The following GSG1L variants were observed in gnomAD, a reference collection of about 807,000 sequenced individuals.
GSG1L encodes germ cell-specific gene 1-like protein.
GSG1L carries 24 observed loss-of-function variants against 42.1 expected under a neutral mutation model. The ratio of observed to expected loss-of-function variants is 0.57; its 90% CI spans 0.41 to 0.80. The LOEUF (loss-of-function observed/expected upper bound fraction) is 0.80. GSG1L is among the 30% of genes least tolerant of loss of function. The pLI, the probability that GSG1L is intolerant of heterozygous loss-of-function variation, is 0.00. For synonymous variants in GSG1L, 215 were observed against 203.5 expected (o/e 1.06, Z -0.48); for missense variants, 445 against 472.2 (o/e 0.94, Z 0.53).
At chr16:27,831,534 A>G (rs1206618032) in intron 4 of GSG1L, among the ~76,000 whole-genome samples, 1 of 152,244 alleles carries the variant, frequency 6.6e-6, no homozygotes, top group Non-Finnish European at 1.5e-5. Flanking sequence ...CAGGGGACAG[A>G]GCAGGGGATT....
At chr16:28,023,134 A>G (rs1206790901) in intron 1 of GSG1L, among the ~76,000 whole-genome samples, 1 of 152,208 alleles carries the variant, frequency 6.6e-6, no homozygotes, top group East Asian at 1.9e-4. Flanking sequence ...TGGCCAGTAT[A>G]CATAATTCAT....
At chr16:27,809,686 C>T (rs1324668428) in intron 5 of GSG1L, among the ~76,000 whole-genome samples, 4 of 152,134 alleles carry the variant, frequency 2.6e-5, no homozygotes, top group Non-Finnish European at 4.4e-5. Context: ...TCTCACTTGT[C>T]TTGCAGCTGT....
intron 3 of GSG1L, among the ~76,000 whole-genome samples, chr16:27,846,721 G>A (rs2083447558): frequency 3.3e-5 from 5 of 152,078 alleles, no homozygotes; most frequent in African/African-American, 7.2e-5. Flanking sequence ...TTGGGAGGCC[G>A]AGGCATGCGG....
At chr16:27,802,404 A>C (rs697504) in intron 6 of GSG1L, among the ~76,000 whole-genome samples, 97,425 of 151,860 alleles carry the variant, frequency 0.64, 31,645 homozygotes, top group Admixed American at 0.71. Flanking sequence ...CTTCCTTATT[A>C]GCTGTTTGAC....
intron 2 of GSG1L, among the ~76,000 whole-genome samples, chr16:27,931,297 A>G (rs916143765): frequency 6.6e-6 from 1 of 152,190 alleles, no homozygotes; most frequent in African/African-American, 2.4e-5. Context: ...TCTCCTGCCC[A>G]TGCCTGTGGA....
chr16:27,889,699 G>A (rs905333660), intron 2 of GSG1L, among the ~76,000 whole-genome samples: 3 of 152,118 alleles, frequency 2.0e-5, no homozygotes, highest in Non-Finnish European at 4.4e-5. Flanking sequence ...AAGCCCCCAT[G>A]GGGTCAGACT....
intron 1 of GSG1L, among the ~76,000 whole-genome samples, chr16:28,052,556 G>A (rs1032424921): frequency 5.9e-5 from 9 of 152,152 alleles, no homozygotes; most frequent in South Asian, 2.1e-4. Context: ...TTCTAGGCAA[G>A]GACTCATACC....
In GSG1L at chr16:28,063,208, C is replaced by T. The variant is rs1471865078; in HGVS notation, c.217G>A (p.Ala73Thr). 6.4e-6 allele frequency: 8 copies of T among 1,258,382 alleles called. No individual in the cohort carries two copies. The South Asian group carries it at 1.1e-4, about 18-fold the overall frequency. 78.0% of individuals were successfully genotyped at this position (1,258,382 alleles called of 1,614,324 possible). A position where few individuals can be genotyped will look rare whatever the true frequency, so the allele number is the denominator to read the frequency against. Residue 73 changes from alanine to threonine, a missense_variant, in exon 1 of 7, where the codon GCC (alanine) becomes ACC (threonine). Physicochemically the swap from Ala to Thr is moderately conservative, Grantham distance 58. Around this residue, in one of 3 missense-constraint regions of GSG1L, gnomAD observed 156 missense variants for 128.3 expected, o/e 1.22. Transcript: ENST00000447459. This position sits in a 1 kb window ranked among gnomAD's most constrained non-coding sequence, Gnocchi z 5.8. ...GGGCCGTTCCCCGAGGCGGTGGCGG[C>T]GGCGGCGGCGGCGGCGGGGGCGGCG... Reference protein sequence around the residue: ...GTAAPAAAAAAATASGNGPPG... With the variant: ...GTAAPAAAAATATASGNGPPG...
rs150338069 is a variant in GSG1L at position 27,838,530 on chromosome 16, G to A, written c.662+6420C>T. ...CATAGGGAGAAAAGGGGAGGGTGGT[G>A]ACAGGGGTTGTCAATTCTTCATCCC... On this transcript the variant is annotated intron_variant, in intron 4 of 6. Transcript: ENST00000447459. 2.6e-4 allele frequency among the ~76,000 whole-genome samples: 39 copies of A among 152,314 alleles called. 2 individuals are homozygous for A. The East Asian group carries it at 6.9e-3, about 27-fold the overall frequency.
rs192313978 is a variant in GSG1L at position 27,823,343 on chromosome 16, G to A, written c.830+5446C>T. On this transcript the variant is annotated intron_variant, in intron 5 of 6. Transcript: ENST00000447459. ...TGCATACGCACACGCACACAGACGCGCACACACACACATAATACGCCTTTC... is the reference window on the plus strand; with the variant it reads ...TGCATACGCACACGCACACAGACGCACACACACACACATAATACGCCTTTC... Among the ~76,000 whole-genome samples the A allele has an allele frequency of 1.1e-3, 172 of 152,008 alleles. 1 individual carries two copies. Among genetic ancestry groups the A allele is most frequent in the African/African-American group, 2.8e-3 (117 of 41,444 alleles).
At chr16:27,857,024 T>C (rs1023653614) in intron 3 of GSG1L, among the ~76,000 whole-genome samples, 12 of 152,262 alleles carry the variant, frequency 7.9e-5, no homozygotes, top group South Asian at 4.2e-4. Flanking sequence ...CTCTCTTCGA[T>C]TGGGCACCAG....
intron 2 of GSG1L, 21 bp downstream of exon 2, chr16:27,963,135 C>T: frequency 6.2e-7 from 1 of 1,608,498 alleles, no homozygotes; most frequent in South Asian, 1.1e-5. Context: ...GCTGCCACAG[C>T]TCAGCTGGGG....
intron 6 of GSG1L, among the ~76,000 whole-genome samples, chr16:27,793,195 G>T (rs547000381): frequency 9.2e-5 from 14 of 152,300 alleles, no homozygotes; most frequent in African/African-American, 3.4e-4. Context: ...TCATTATCAG[G>T]AGAGTCTTTC....
chr16:27,881,281 AC>A (rs2083952384), intron 3 of GSG1L, among the ~76,000 whole-genome samples: 1 of 119,006 alleles, frequency 8.4e-6, no homozygotes, highest in African/African-American at 3.2e-5. Flanking sequence ...TTGCTCTGTC[AC>A]CCAAGCTGGA....
intron 6 of GSG1L, among the ~76,000 whole-genome samples, chr16:27,798,115 A>T (rs182162284): frequency 6.6e-6 from 1 of 152,194 alleles, no homozygotes; most frequent in African/African-American, 2.4e-5. Context: ...TCAGAAGCCC[A>T]ACCTGAGCAT....
chr16:27,794,795 G>A (rs957418166), intron 6 of GSG1L, among the ~76,000 whole-genome samples: 14 of 152,126 alleles, frequency 9.2e-5, no homozygotes, highest in East Asian at 3.9e-4. Context: ...CTGTGTCTTC[G>A]TTCCATGATT....
chr16:27,954,362 G>T (rs1192621636), intron 2 of GSG1L, among the ~76,000 whole-genome samples: 5 of 152,178 alleles, frequency 3.3e-5, no homozygotes. Context: ...GATAGGAGAA[G>T]GCTGGAAGTT....
At chr16:27,932,421 G>A (rs1199525971) in intron 2 of GSG1L, among the ~76,000 whole-genome samples, 1 of 152,090 alleles carries the variant, frequency 6.6e-6, no homozygotes, top group African/African-American at 2.4e-5. Context: ...CATCTGCTTG[G>A]CTTCTGGGGA....
intron 5 of GSG1L, among the ~76,000 whole-genome samples, chr16:27,821,486 A>C (rs2083150262): frequency 6.6e-6 from 1 of 152,010 alleles, no homozygotes; most frequent in African/African-American, 2.4e-5. Context: ...CTTTATGTCC[A>C]TGTGTACCCA....
Sources: allele counts gnomAD v4.1 joint callset (sites outside exome capture counted in the v4.1 genomes callset), GRCh38; gene constraint gnomAD v4.1.1; regional missense constraint gnomAD v4.1.1; non-coding constraint Gnocchi (gnomAD v3.1); transcripts MANE v1.5; gene names NCBI Gene and HGNC (gene_info 2026-07-23, HGNC 2026-07-21).